The following MYO1C variants were observed in gnomAD, a reference collection of about 807,000 sequenced individuals.
MYO1C encodes unconventional myosin-Ic.
In MYO1C, 104 loss-of-function variants were observed where a neutral mutation model predicts 150.8. The ratio of observed to expected loss-of-function variants is 0.69; its 90% confidence interval spans 0.59 to 0.81. The LOEUF (loss-of-function observed/expected upper bound fraction) is 0.81, where lower values mean the gene tolerates loss of function less well. MYO1C is among the 30% of genes least tolerant of loss of function. The probability of loss-of-function intolerance (pLI) is 0.00; values close to 1 mark genes in which losing one functional copy is unlikely to be tolerated. For missense variants in MYO1C, 1,504 were observed against 1,435.0 expected, an observed-to-expected ratio of 1.05 and a Z score of -0.78; for synonymous variants, 663 against 579.9, an observed-to-expected ratio of 1.14 and a Z score of -2.06.
At chr17:1,472,725 A>G (rs114962349) in intron 17 of MYO1C, among the ~76,000 whole-genome samples, 1,934 of 151,408 alleles carry the variant, frequency 0.013, 48 homozygotes, top group East Asian at 0.057. Context: ...CAAAGGGACA[A>G]TTCATCCAGT....
Position 1,478,881 on chromosome 17 carries a change from T to C in MYO1C, c.1093-146A>G. 7.4e-7 allele frequency: 1 copy of C among 1,354,138 alleles called. No individual in the cohort carries two copies. The highest frequency in any genetic ancestry group is 1.0e-6 in the Non-Finnish European group (1 of 983,152). The allele number at this position is 1,354,138 out of a possible 1,614,324, so 83.9% of individuals were successfully genotyped here. On this transcript the variant is annotated intron_variant, in intron 9 of 31. Coordinates refer to ENST00000648651, the MANE Select transcript of MYO1C (RefSeq NM_001080779.2). This position sits in a 1 kb window ranked among gnomAD's most constrained non-coding sequence, Gnocchi z 6.3. ...GCAGTATGGGGAGGGGTGCTGGTAG[T>C]GGGACCTCAGGGAGGACAGGTGGCC...
intron 19 of MYO1C, 76 bp from the exon 20 acceptor site, chr17:1,471,412 C>T (rs2074300711): frequency 3.2e-6 from 4 of 1,262,318 alleles, no homozygotes; most frequent in South Asian, 1.2e-5. Context: ...TTTCTCTGGG[C>T]ACCTGCTGGG....
intron 1 of MYO1C, chr17:1,484,967 C>A (rs1301703624): frequency 2.0e-6 from 1 of 507,190 alleles, no homozygotes; most frequent in African/African-American, 2.0e-5. Flanking sequence ...CCCCAGAGGG[C>A]CTCCCACCCC....
At position 1,468,317 on chromosome 17, in the gene MYO1C, C is replaced by T. The variant is rs2074223878; in HGVS notation, c.2705-9G>A. On this transcript the variant is annotated splice_polypyrimidine_tract_variant and intron_variant, in intron 26 of 31. Transcript: ENST00000648651. ...GCTGATCTCATCTGTACCTGCAACT[C>T]AGATGGCGGGGAGGGAAGTCAGTGG... 1 of 1,613,980 alleles carries T rather than the reference C, an allele frequency of 6.2e-7. No individual in the cohort carries two copies. Among genetic ancestry groups the T allele is most frequent in the East Asian group, 2.2e-5 (1 of 44,878 alleles).
In MYO1C at chr17:1,468,815, G is replaced by A. The variant is rs563733065; in HGVS notation, c.2611-319C>T. ...CCAGCTTGGGGTCTTGTAAGCAGCA[G>A]ATCACTAATACTCAAGGTTACTGGG... On this transcript the variant is annotated intron_variant, in intron 25 of 31. Coordinates refer to ENST00000648651, the MANE Select transcript of MYO1C (RefSeq NM_001080779.2). 8.4e-6 allele frequency: 4 copies of A among 474,538 alleles called. No homozygotes were observed. The East Asian group carries it at 1.2e-4, about 14-fold the overall frequency. The allele number at this position is 474,538 out of a possible 1,614,324, so 29.4% of individuals were successfully genotyped here.
chr17:1,473,366 C>T (rs1567520637), intron 17 of MYO1C, among the ~76,000 whole-genome samples: 1 of 151,978 alleles, frequency 6.6e-6, no homozygotes. Context: ...ATGAGATACA[C>T]GAGTCTGTGG....
chr17:1,484,083 T>C, intron 2 of MYO1C, 65 bp downstream of exon 2: 4 of 1,592,354 alleles, frequency 2.5e-6, no homozygotes, highest in Non-Finnish European at 2.6e-6. Context: ...TTGGTGTCTC[T>C]TTCCCCTCCG....
At chr17:1,486,117 G>A (rs539586892) in intron 1 of MYO1C, 5 of 153,198 alleles carry the variant, frequency 3.3e-5, no homozygotes, top group African/African-American at 7.2e-5. Context: ...GAGGCCTGCG[G>A]GTCCCAGAGG....
chr17:1,468,374 G>T (rs1451509118), intron 26 of MYO1C, 29 bp downstream of exon 26: 20 of 1,613,526 alleles, frequency 1.2e-5, no homozygotes, highest in Non-Finnish European at 1.6e-5. Flanking sequence ...GTGACGAAAG[G>T]TCTGAGTGCT....
chr17:1,472,344 T>C lies in MYO1C; in HGVS notation c.1798-116A>G, dbSNP rs1238435918. ...GCGCGCAGCAGCCTCTGATTCTGCC[T>C]GGTCCTTACTCCTCCCACCACAGCT... On this transcript the variant is annotated intron_variant, in intron 17 of 31. Coordinates refer to ENST00000648651, the MANE Select transcript of MYO1C (RefSeq NM_001080779.2). 5 of 837,318 alleles carry C rather than the reference T, an allele frequency of 6.0e-6. No individual in the cohort carries two copies. In the Admixed American group the frequency reaches 1.1e-4, roughly 18 times the overall value. 51.9% of individuals were successfully genotyped at this position (837,318 alleles called of 1,614,324 possible).
chr17:1,472,381 G>C, intron 17 of MYO1C, 153 bp from the exon 18 acceptor site: 1 of 678,752 alleles, frequency 1.5e-6, no homozygotes, highest in Non-Finnish European at 2.5e-6. Flanking sequence ...CCTCGCAGCA[G>C]AGGAGGGGGC....
At chr17:1,467,758 C>T in intron 29 of MYO1C, 82 bp downstream of exon 29, 4 of 602,748 alleles carry the variant, frequency 6.6e-6, no homozygotes, top group South Asian at 1.8e-5. Flanking sequence ...TCCACCCCCA[C>T]ACCCCCTATT....
At chr17:1,492,360 G>A (rs560279638) in intron 1 of MYO1C, 53 bp downstream of exon 1, 26 of 1,541,080 alleles carry the variant, frequency 1.7e-5, no homozygotes, top group Non-Finnish European at 2.2e-5. Flanking sequence ...GGGGCTGCCC[G>A]GCCTTGGGGA....
At chr17:1,481,061 C>T in intron 5 of MYO1C, 176 bp from the exon 6 acceptor site, 1 of 640,736 alleles carries the variant, frequency 1.6e-6, no homozygotes, top group South Asian at 1.9e-5. Context: ...GTTACTTCAT[C>T]TAGGAAATGG....
chr17:1,475,165 A>T, intron 14 of MYO1C, 133 bp from the exon 15 acceptor site: 1 of 860,734 alleles, frequency 1.2e-6, no homozygotes, highest in South Asian at 1.4e-5. Context: ...TCACGGCTGT[A>T]ATCCCAGCAG....
At chr17:1,487,500 G>T (rs558504447) in intron 1 of MYO1C, among the ~76,000 whole-genome samples, 2 of 152,194 alleles carry the variant, frequency 1.3e-5, no homozygotes, top group African/African-American at 4.8e-5. Flanking sequence ...GCGGCCCTGG[G>T]GACCCCCGAG....
chr17:1,480,685 C>A (rs2074502092), intron 6 of MYO1C, 21 bp downstream of exon 6: 1 of 1,613,954 alleles, frequency 6.2e-7, no homozygotes, highest in Admixed American at 1.7e-5. Flanking sequence ...GTGGCACCTG[C>A]CCTCCCTGCC....
intron 17 of MYO1C, among the ~76,000 whole-genome samples, chr17:1,474,133 G>A (rs888417514): frequency 6.6e-6 from 1 of 151,908 alleles, no homozygotes; most frequent in Non-Finnish European, 1.5e-5. Flanking sequence ...ACACACACAA[G>A]TAGGCAAACA....
chr17:1,484,127 A>G (rs2150963009), intron 2 of MYO1C, 21 bp downstream of exon 2: 1 of 1,611,466 alleles, frequency 6.2e-7, no homozygotes. Flanking sequence ...CACCCCTGCC[A>G]TCTCCCCACA....
Sources: allele counts gnomAD v4.1 joint callset (sites outside exome capture counted in the v4.1 genomes callset), GRCh38; gene constraint gnomAD v4.1.1; non-coding constraint Gnocchi (gnomAD v3.1); transcripts MANE v1.5; gene names NCBI Gene and HGNC (gene_info 2026-07-23, HGNC 2026-07-21).